Variants in LRRC72 observed in about 807,000 individuals in gnomAD.
The protein encoded by LRRC72 is leucine rich repeat containing 72, also known as leucine-rich repeat-containing protein 72.
LRRC72 carries 41 observed loss-of-function variants against 35.8 expected under a neutral mutation model. The ratio of observed to expected loss-of-function variants is 1.15; its 90% CI spans 0.89 to 1.49. The LOEUF (loss-of-function observed/expected upper bound fraction) is 1.49, where lower values mean the gene tolerates loss of function less well. Ranked by LOEUF, LRRC72 falls within the 40% of genes most tolerant of loss-of-function variation. LRRC72 has a pLI of 0.00. For missense variants in LRRC72, 389 were observed against 330.7 expected (o/e 1.18, Z -1.37); for synonymous variants, 118 against 119.2 (o/e 0.99, Z 0.07).
chr7:16,543,831 A>T (rs1782400158), intron 3 of LRRC72, among the ~76,000 whole-genome samples: 1 of 152,250 alleles, frequency 6.6e-6, no homozygotes, highest in Non-Finnish European at 1.5e-5. Flanking sequence ...TGATGAAGCC[A>T]GCACTTAGAG....
intron 4 of LRRC72, among the ~76,000 whole-genome samples, chr7:16,557,660 T>C: frequency 6.6e-6 from 1 of 152,206 alleles, no homozygotes; most frequent in South Asian, 2.1e-4. Flanking sequence ...TTATTCAAAA[T>C]GTAAAATAAT....
intron 5 of LRRC72, among the ~76,000 whole-genome samples, chr7:16,563,860 GT>G (rs962059641): frequency 1.3e-5 from 2 of 152,156 alleles, no homozygotes; most frequent in Non-Finnish European, 2.9e-5. Flanking sequence ...GTGTCATTCA[GT>G]TTTTACTTTA....
In LRRC72 at chr7:16,531,839, C is replaced by A. The variant is rs114174520; in HGVS notation, c.91-656C>A. On this transcript the variant is annotated intron_variant, in intron 1 of 8. Transcript: ENST00000401542. ...TGTTGCTAAAGTTTTATTTTTAAAA[C>A]AGAGCTATGGGAATAAAAGCTGCTT... Among the ~76,000 whole-genome samples the A allele has an allele frequency of 3.7e-3, 558 of 152,220 alleles. 5 individuals are homozygous for A. The highest frequency in any genetic ancestry group is 0.013 in the African/African-American group (536 of 41,538).
At chr7:16,540,667 G>A (rs1328255727) in intron 3 of LRRC72, among the ~76,000 whole-genome samples, 1 of 152,106 alleles carries the variant, frequency 6.6e-6, no homozygotes, top group Non-Finnish European at 1.5e-5. Flanking sequence ...GATCATGGGG[G>A]CAGTTTCCCT....
intron 5 of LRRC72, among the ~76,000 whole-genome samples, chr7:16,562,290 A>C (rs1782756636): frequency 6.6e-6 from 1 of 151,844 alleles, no homozygotes. Context: ...CAGAATCCAC[A>C]TGTGTCAAAG....
intron 3 of LRRC72, among the ~76,000 whole-genome samples, chr7:16,553,305 T>A (rs1353074817): frequency 6.6e-6 from 1 of 152,174 alleles, no homozygotes; most frequent in Non-Finnish European, 1.5e-5. Flanking sequence ...AATCTTTGGT[T>A]TGGGAGTCAG....
At chr7:16,539,859 A>G (rs1468679883) in intron 3 of LRRC72, among the ~76,000 whole-genome samples, 1 of 152,212 alleles carries the variant, frequency 6.6e-6, no homozygotes, top group Non-Finnish European at 1.5e-5. Flanking sequence ...CTCCACCTAG[A>G]TTTCAGAGGA....
intron 7 of LRRC72, among the ~76,000 whole-genome samples, chr7:16,568,485 A>G (rs998295517): frequency 3.3e-5 from 5 of 152,208 alleles, no homozygotes; most frequent in African/African-American, 4.8e-5. Context: ...GATATTGAGA[A>G]AAGGAGAGAC....
At chr7:16,538,205 GA>G (rs1398291728) in intron 3 of LRRC72, among the ~76,000 whole-genome samples, 2 of 152,148 alleles carry the variant, frequency 1.3e-5, no homozygotes, top group Non-Finnish European at 2.9e-5. Context: ...TTATTAACTA[GA>G]AAGCCATGGT....
Position 16,574,800 on chromosome 7 carries a change from AAT to A in LRRC72, c.671-5259_671-5258del, listed in dbSNP as rs764311793. ...TATCCTAAAACTTAAAGTATAATAA[AAT>A]ATATATATATATATTTTATACTTGT... On this transcript the variant is annotated intron_variant, in intron 7 of 8. Coordinates refer to ENST00000401542, the MANE Select transcript of LRRC72 (RefSeq NM_001195280.2). Among the ~76,000 whole-genome samples, 16 of 149,860 alleles carry A rather than the reference AAT, an allele frequency of 1.1e-4. No homozygotes were observed. The East Asian group carries it at 1.6e-3, about 15-fold the overall frequency.
intron 2 of LRRC72, among the ~76,000 whole-genome samples, chr7:16,535,822 T>C (rs1031059300): frequency 3.3e-5 from 5 of 152,216 alleles, no homozygotes; most frequent in African/African-American, 1.2e-4. Context: ...ATGTGAGACA[T>C]TCTACCAGAC....
At chr7:16,542,082 G>A (rs1782367616) in intron 3 of LRRC72, among the ~76,000 whole-genome samples, 1 of 152,184 alleles carries the variant, frequency 6.6e-6, no homozygotes. Context: ...GGTGTTCAGT[G>A]GTGTCCAGTT....
chr7:16,544,963 G>A (rs1782421105), intron 3 of LRRC72, among the ~76,000 whole-genome samples: 1 of 152,002 alleles, frequency 6.6e-6, no homozygotes. Flanking sequence ...ATTATCTAAA[G>A]AATAATTGAG....
intron 3 of LRRC72, among the ~76,000 whole-genome samples, chr7:16,553,810 A>G (rs998321101): frequency 6.6e-6 from 1 of 152,212 alleles, no homozygotes; most frequent in Non-Finnish European, 1.5e-5. Context: ...ATACATTTGT[A>G]CCTAGTAGTA....
rs116070672 is a variant in LRRC72 at position 16,540,374 on chromosome 7, G to A, written c.234+2678G>A. ...ATGCCTGTACCTCCATTGTATCTTG[G>A]AAATAACTAAATTGCTCTTCATTTT... On this transcript the variant is annotated intron_variant, in intron 3 of 8. Transcript: ENST00000401542. 7.9e-3 allele frequency among the ~76,000 whole-genome samples: 1,208 copies of A among 152,244 alleles called. 10 individuals are homozygous for A. Among genetic ancestry groups the A allele is most frequent in the Non-Finnish European group, 9.3e-3 (633 of 68,028 alleles).
chr7:16,579,679 G>A (rs994864666), intron 7 of LRRC72, among the ~76,000 whole-genome samples: 1 of 152,082 alleles, frequency 6.6e-6, no homozygotes, highest in South Asian at 2.1e-4. Flanking sequence ...CCCTCATTTG[G>A]ACTGTTAGTC....
chr7:16,552,486 A>G (rs1782570207), intron 3 of LRRC72, among the ~76,000 whole-genome samples: 1 of 152,190 alleles, frequency 6.6e-6, no homozygotes. Flanking sequence ...TGAAAGGAAG[A>G]GTGGAAGAAG....
intron 7 of LRRC72, among the ~76,000 whole-genome samples, chr7:16,571,653 C>A (rs1337004969): frequency 6.6e-6 from 1 of 152,302 alleles, no homozygotes; most frequent in Non-Finnish European, 1.5e-5. Flanking sequence ...GGGAACGGAG[C>A]TATCCGGCCC....
At chr7:16,550,588 A>G (rs1782532415) in intron 3 of LRRC72, among the ~76,000 whole-genome samples, 1 of 152,206 alleles carries the variant, frequency 6.6e-6, no homozygotes, top group Non-Finnish European at 1.5e-5. Flanking sequence ...CTCACTTGTC[A>G]TTTCCCAGTT....
Sources: gnomAD v4.1 joint callset for allele counts (sites outside exome capture counted in the v4.1 genomes callset) on GRCh38, gnomAD v4.1.1 for gene constraint, MANE v1.5 for transcripts, NCBI Gene and HGNC (gene_info 2026-07-23, HGNC 2026-07-21) for gene names.